CREB5: variants seen among roughly 807,000 people sequenced by gnomAD.
The protein encoded by CREB5 is cyclic AMP-responsive element-binding protein 5.
A neutral mutation model predicts 57.1 loss-of-function variants in CREB5; 19 were observed. That is an observed-to-expected ratio of 0.33 (90% CI 0.23 to 0.49). The LOEUF is 0.49. Among genes scored for constraint, CREB5 ranks in the 20% least tolerant of loss-of-function variants. CREB5 has a pLI of 0.99. For synonymous variants in CREB5, 238 were observed against 238.3 expected, an observed-to-expected ratio of 1.00 and a Z score of 0.01; for missense variants, 579 against 671.6, an observed-to-expected ratio of 0.86 and a Z score of 1.52.
At chr7:28,700,116 A>C (rs566029365) in intron 5 of CREB5, among the ~76,000 whole-genome samples, 1 of 152,342 alleles carries the variant, frequency 6.6e-6, no homozygotes, top group South Asian at 2.1e-4. Context: ...GAATGACAGT[A>C]GTTGTTTAAT....
At chr7:28,783,940 G>A (rs1226177145) in intron 7 of CREB5, among the ~76,000 whole-genome samples, 1 of 152,204 alleles carries the variant, frequency 6.6e-6, no homozygotes, top group Non-Finnish European at 1.5e-5. Context: ...TACACTGGCA[G>A]CCTCATATAT....
chr7:28,769,358 CAAAG>C (rs1243441978), intron 7 of CREB5, among the ~76,000 whole-genome samples: 2 of 152,066 alleles, frequency 1.3e-5, no homozygotes, highest in African/African-American at 4.8e-5. Context: ...AATGTTAACA[CAAAG>C]AAATGAATGT....
intron 1 of CREB5, among the ~76,000 whole-genome samples, chr7:28,425,114 T>C (rs1037030433): frequency 6.6e-6 from 1 of 152,146 alleles, no homozygotes; most frequent in African/African-American, 2.4e-5. Context: ...AATATACAAA[T>C]GGCCAGTAAG....
chr7:28,339,819 T>G (rs932613267), intron 1 of CREB5, among the ~76,000 whole-genome samples: 4 of 152,192 alleles, frequency 2.6e-5, no homozygotes, highest in Non-Finnish European at 5.9e-5. Flanking sequence ...TGTTCTATTC[T>G]ACTGCAGCTG....
chr7:28,770,996 T>C (rs1806291339), intron 7 of CREB5, among the ~76,000 whole-genome samples: 1 of 151,740 alleles, frequency 6.6e-6, no homozygotes, highest in Non-Finnish European at 1.5e-5. Flanking sequence ...TGTCACAAAA[T>C]ATATATGATA....
chr7:28,648,116 T>C (rs1021576080), intron 5 of CREB5, among the ~76,000 whole-genome samples: 4 of 152,166 alleles, frequency 2.6e-5, no homozygotes, highest in Non-Finnish European at 4.4e-5. Flanking sequence ...TATTTTTTAA[T>C]GCAAAGTATG....
At chr7:28,609,436 T>G (rs1797302168) in intron 5 of CREB5, among the ~76,000 whole-genome samples, 1 of 152,300 alleles carries the variant, frequency 6.6e-6, no homozygotes, top group East Asian at 1.9e-4. Flanking sequence ...ATTTGTTAAG[T>G]GAATGTCATC....
intron 4 of CREB5, among the ~76,000 whole-genome samples, chr7:28,513,048 G>A (rs1381807360): frequency 1.8e-4 from 27 of 152,202 alleles, no homozygotes; most frequent in Non-Finnish European, 2.9e-5. Context: ...GCTCCGCAAA[G>A]CAGGCTGTTT....
At chr7:28,713,795 G>A (rs1802532396) in intron 5 of CREB5, among the ~76,000 whole-genome samples, 1 of 152,144 alleles carries the variant, frequency 6.6e-6, no homozygotes, top group Non-Finnish European at 1.5e-5. Context: ...TGAAAGTTAA[G>A]AGTCTTTTCC....
At chr7:28,787,574 C>T (rs541896768) in intron 7 of CREB5, among the ~76,000 whole-genome samples, 36 of 152,146 alleles carry the variant, frequency 2.4e-4, no homozygotes, top group African/African-American at 7.5e-4. Context: ...TCTCTTTTGT[C>T]GTTGTTTTTT....
At chr7:28,633,022 A>G (rs1416740532) in intron 5 of CREB5, among the ~76,000 whole-genome samples, 7 of 152,206 alleles carry the variant, frequency 4.6e-5, no homozygotes, top group African/African-American at 1.4e-4. Flanking sequence ...TAAGACTTCC[A>G]TAGCTCTTAT....
intron 5 of CREB5, among the ~76,000 whole-genome samples, chr7:28,696,352 G>A (rs1167549104): frequency 6.6e-6 from 1 of 152,204 alleles, no homozygotes; most frequent in East Asian, 1.9e-4. Flanking sequence ...CATTTGTAAA[G>A]CATAGGAAGA....
chr7:28,427,728 G>A (rs900409919), intron 1 of CREB5, among the ~76,000 whole-genome samples: 36 of 151,830 alleles, frequency 2.4e-4, no homozygotes, highest in African/African-American at 8.7e-4. Flanking sequence ...GCCAGACTTC[G>A]CTCTCCTCTT....
intron 5 of CREB5, among the ~76,000 whole-genome samples, chr7:28,628,788 C>G (rs1273135065): frequency 6.6e-6 from 1 of 152,182 alleles, no homozygotes; most frequent in East Asian, 1.9e-4. Context: ...GACCAAGTCC[C>G]TCTCATTGGC....
At chr7:28,492,280 G>T (rs1004102561) in intron 2 of CREB5, among the ~76,000 whole-genome samples, 6 of 152,186 alleles carry the variant, frequency 3.9e-5, no homozygotes, top group African/African-American at 1.4e-4. Context: ...GATTACAGGC[G>T]TGAGCCACCG....
intron 1 of CREB5, among the ~76,000 whole-genome samples, chr7:28,351,208 T>C (rs12700878): frequency 0.36 from 54,886 of 152,058 alleles, 10,028 homozygotes; most frequent in Non-Finnish European, 0.39. Flanking sequence ...GGGAGTAATA[T>C]ATGATTTTCT....
chr7:28,442,519 G>A (rs1010316944), intron 1 of CREB5, among the ~76,000 whole-genome samples: 1 of 151,988 alleles, frequency 6.6e-6, no homozygotes, highest in African/African-American at 2.4e-5. Context: ...TGTTTTTTGA[G>A]AAACTTTCAT....
At chr7:28,686,104 A>G (rs749020798) in intron 5 of CREB5, 5 of 1,608,884 alleles carry the variant, frequency 3.1e-6, no homozygotes, top group South Asian at 2.2e-5. Context: ...CACTCAAGCT[A>G]GTTAAGCTTT....
At chr7:28,784,500 T>C (rs1049259986) in intron 7 of CREB5, among the ~76,000 whole-genome samples, 5 of 152,130 alleles carry the variant, frequency 3.3e-5, no homozygotes, top group African/African-American at 1.2e-4. Context: ...TAGGATTTTT[T>C]TTTCCCCCTC....
Sources: gnomAD v4.1 joint callset for allele counts (sites outside exome capture counted in the v4.1 genomes callset) on GRCh38, gnomAD v4.1.1 for gene constraint, MANE v1.5 for transcripts, NCBI Gene and HGNC (gene_info 2026-07-23, HGNC 2026-07-21) for gene names.